Variants in ENPP1 observed in about 807,000 individuals in gnomAD.
The protein encoded by ENPP1 is ectonucleotide pyrophosphatase/phosphodiesterase 1, also known as ectonucleotide pyrophosphatase/phosphodiesterase family member 1.
Under a neutral mutation model 122.8 loss-of-function variants are expected in ENPP1, and 73 were observed. That is an observed-to-expected ratio of 0.59 (90% confidence interval 0.49 to 0.72). ENPP1 has a LOEUF of 0.72. Ranked by LOEUF, ENPP1 falls within the 30% of genes least tolerant of loss-of-function variation. The probability of loss-of-function intolerance (pLI) is 0.00; values close to 1 mark genes in which losing one functional copy is unlikely to be tolerated. For synonymous variants in ENPP1, 367 were observed against 391.6 expected (o/e 0.94, Z 0.74); for missense variants, 978 against 1,128.1 (o/e 0.87, Z 1.91).
chr6:131,831,286 C>T (rs889717439), intron 1 of ENPP1, among the ~76,000 whole-genome samples: 1 of 152,014 alleles, frequency 6.6e-6, no homozygotes, highest in Non-Finnish European at 1.5e-5. Context: ...TACAGAAAAG[C>T]TGTGAAGCTT....
chr6:131,867,930 T>C (rs1645871912), intron 11 of ENPP1, 88 bp from the exon 12 acceptor site: 3 of 828,834 alleles, frequency 3.6e-6, no homozygotes, highest in African/African-American at 1.7e-5. Flanking sequence ...TTTCTTTCTT[T>C]TTTTTTTTTT....
intron 24 of ENPP1, 97 bp from the exon 25 acceptor site, chr6:131,890,244 A>C (rs1319761741): frequency 4.0e-6 from 4 of 997,300 alleles, no homozygotes; most frequent in African/African-American, 1.6e-5. Flanking sequence ...TCAGAGCTGA[A>C]ATCTCGTAAA....
intron 5 of ENPP1, among the ~76,000 whole-genome samples, chr6:131,854,280 G>A (rs919737585): frequency 6.6e-6 from 1 of 152,028 alleles, no homozygotes; most frequent in Non-Finnish European, 1.5e-5. Context: ...AGGCATGGTG[G>A]TGCGTGTTTG....
At chr6:131,889,284 G>C (rs1782430429) in intron 24 of ENPP1, among the ~76,000 whole-genome samples, 1 of 152,256 alleles carries the variant, frequency 6.6e-6, no homozygotes, top group African/African-American at 2.4e-5. Flanking sequence ...TGTTGCATAG[G>C]TAAATGTGTG....
At chr6:131,856,971 G>A (rs762478017) in intron 6 of ENPP1, among the ~76,000 whole-genome samples, 6,811 of 151,886 alleles carry the variant, frequency 0.045, 247 homozygotes, top group Non-Finnish European at 0.065. Context: ...TTGGCGATGC[G>A]GGCTCTTTTT....
chr6:131,864,802 A>G (rs1012272499), intron 10 of ENPP1, 64 bp from the exon 11 acceptor site: 1 of 1,089,194 alleles, frequency 9.2e-7, no homozygotes, highest in Admixed American at 1.7e-5. Context: ...TTGATGAATT[A>G]TTTTTTCCAT....
intron 1 of ENPP1, among the ~76,000 whole-genome samples, chr6:131,810,455 C>G (rs1339215408): frequency 1.6e-4 from 23 of 146,104 alleles, no homozygotes; most frequent in Admixed American, 4.1e-4. Context: ...CCCGCCCCCC[C>G]CCCAAAAACT....
Position 131,886,731 on chromosome 6 carries a change from A to T in ENPP1, c.2607+7A>T. On this transcript the variant is annotated splice_region_variant and intron_variant, in intron 24 of 24. Coordinates refer to ENST00000647893, the MANE Select transcript of ENPP1 (RefSeq NM_006208.3). ...TAACAGCGAGAGCTGTGTGGTAAGTAGCTTTTGTATATTTACTTTGCATGT... is the reference window on the plus strand; with the variant it reads ...TAACAGCGAGAGCTGTGTGGTAAGTTGCTTTTGTATATTTACTTTGCATGT... 1 of 1,610,764 alleles carries T rather than the reference A, an allele frequency of 6.2e-7. No homozygotes were observed. The highest frequency in any genetic ancestry group is 8.5e-7 in the Non-Finnish European group (1 of 1,178,778).
chr6:131,830,695 A>G (rs1428117062), intron 1 of ENPP1, among the ~76,000 whole-genome samples: 1 of 152,214 alleles, frequency 6.6e-6, no homozygotes, highest in Non-Finnish European at 1.5e-5. Context: ...TATTGATAAG[A>G]TAAGAAAATG....
At chr6:131,853,451 A>G (rs1175907334) in intron 5 of ENPP1, among the ~76,000 whole-genome samples, 1 of 152,178 alleles carries the variant, frequency 6.6e-6, no homozygotes, top group Non-Finnish European at 1.5e-5. Flanking sequence ...GTAACTTAGG[A>G]CACTTATTAT....
chr6:131,861,578 T>C lies in ENPP1; in HGVS notation c.916-17T>C, dbSNP rs1562523286. The C allele has an allele frequency of 4.6e-6, 7 of 1,507,782 alleles. No homozygotes were observed. Among genetic ancestry groups the C allele is most frequent in the Non-Finnish European group, 6.5e-6 (7 of 1,083,182 alleles). The allele number at this position is 1,507,782 out of a possible 1,614,324, so 93.4% of individuals were successfully genotyped here. On this transcript the variant is annotated splice_polypyrimidine_tract_variant and intron_variant, in intron 8 of 24. Coordinates refer to ENST00000647893, the MANE Select transcript of ENPP1 (RefSeq NM_006208.3). ...TGTTTGCATGATTTCTTAATTTTCC[T>C]TCATTTTCTGCTCCAGATTTGGGTC...
At position 131,890,427 on chromosome 6, in the gene ENPP1, C is replaced by T. The variant is rs762735195; in HGVS notation, c.2694C>T (p.Leu898=). 11 of 1,612,978 alleles carry T rather than the reference C, an allele frequency of 6.8e-6. No individual in the cohort carries two copies. In the South Asian group the frequency reaches 9.9e-5, roughly 14 times the overall value. ...RITDVEHITG[L]SFYQQRKEPV... ...CAGATGTTGAGCACATCACTGGACT[C>T]AGCTTCTATCAACAAAGAAAAGAGC... is the stretch of plus-strand genomic sequence containing the variant. The change falls in exon 25 of 25, where the codon CTC becomes CTT. Residue 898 remains leucine, a synonymous_variant. Coordinates refer to ENST00000647893, the MANE Select transcript of ENPP1 (RefSeq NM_006208.3).
In ENPP1 at chr6:131,874,411, CAT is replaced by C. The variant is rs1199196738; in HGVS notation, c.1635+76_1635+77del. 9.7e-6 allele frequency: 8 copies of C among 825,964 alleles called. No individual in the cohort carries two copies. The South Asian group carries it at 1.0e-4, about 10-fold the overall frequency. 51.2% of individuals were successfully genotyped at this position (825,964 alleles called of 1,614,324 possible). ...ATATGCAAAGTTTTAGACTTGAAAA[CAT>C]ACTGTGATTATATGTCTTGAATGAG... is the stretch of plus-strand genomic sequence containing the variant. On this transcript the variant is annotated intron_variant, in intron 16 of 24. Coordinates refer to ENST00000647893, the MANE Select transcript of ENPP1 (RefSeq NM_006208.3).
intron 24 of ENPP1, among the ~76,000 whole-genome samples, chr6:131,888,566 A>T (rs1782419631): frequency 6.6e-6 from 1 of 152,190 alleles, no homozygotes; most frequent in Non-Finnish European, 1.5e-5. Flanking sequence ...CTTTCTATAT[A>T]TCGTTAAAAT....
rs753264434 is a variant in ENPP1, at chr6:131,874,383, A to G, written c.1635+46A>G. On this transcript the variant is annotated intron_variant, in intron 16 of 24. Coordinates refer to ENST00000647893, the MANE Select transcript of ENPP1 (RefSeq NM_006208.3). ...TAATTGGATTAAATCTAAAGAAAAA[A>G]TGATATGCAAAGTTTTAGACTTGAA... 2.6e-5 allele frequency: 28 copies of G among 1,079,186 alleles called. No individual in the cohort carries two copies. The South Asian group carries it at 3.5e-4, about 13-fold the overall frequency. The allele number at this position is 1,079,186 out of a possible 1,614,324, so 66.9% of individuals were successfully genotyped here. A position where few individuals can be genotyped will look rare whatever the true frequency, so the allele number is the denominator to read the frequency against.
intron 24 of ENPP1, 23 bp from the exon 25 acceptor site, chr6:131,890,318 T>G: frequency 6.2e-7 from 1 of 1,607,992 alleles, no homozygotes; most frequent in African/African-American, 1.3e-5. Context: ...GTAACTTTTC[T>G]TTTATATTTC....
In ENPP1 at chr6:131,890,336, C is replaced by G. The variant is rs1782451475; in HGVS notation, c.2608-5C>G. On this transcript the variant is annotated splice_polypyrimidine_tract_variant and splice_region_variant and intron_variant, in intron 24 of 24. Coordinates refer to ENST00000647893, the MANE Select transcript of ENPP1 (RefSeq NM_006208.3). Reference sequence around the variant, plus strand: ...ACTTTTCTTTTATATTTCCTATTCTCCTAGCATGGGAAGCATGACTCCTCA... The same window carrying G: ...ACTTTTCTTTTATATTTCCTATTCTGCTAGCATGGGAAGCATGACTCCTCA... The G allele has an allele frequency of 6.2e-7, 1 of 1,612,112 alleles. No homozygotes were observed. The highest frequency in any genetic ancestry group is 8.5e-7 in the Non-Finnish European group (1 of 1,178,146).
chr6:131,831,114 CAAAAAAAAAA>C (rs3036850), intron 1 of ENPP1, among the ~76,000 whole-genome samples: 7 of 60,006 alleles, frequency 1.2e-4, no homozygotes, highest in African/African-American at 2.6e-4. Flanking sequence ...GCCCATCTCT[CAAAAAAAAAA>C]AAAAAAAAAA....
intron 20 of ENPP1, among the ~76,000 whole-genome samples, chr6:131,881,050 G>T (rs1449802322): frequency 6.6e-6 from 1 of 152,126 alleles, no homozygotes; most frequent in Admixed American, 6.5e-5. Flanking sequence ...AAACTGGGCT[G>T]AAACTGAAAG....
Sources: allele counts gnomAD v4.1 joint callset (sites outside exome capture counted in the v4.1 genomes callset), GRCh38; gene constraint gnomAD v4.1.1; transcripts MANE v1.5; gene names NCBI Gene and HGNC (gene_info 2026-07-23, HGNC 2026-07-21).